The following GBE1 variants were observed in gnomAD, a reference collection of about 807,000 sequenced individuals.
GBE1 encodes the protein 1,4-alpha-glucan branching enzyme 1.
A neutral mutation model predicts 88.8 loss-of-function variants in GBE1; 70 were observed. The ratio of observed to expected loss-of-function variants is 0.79; its 90% CI spans 0.65 to 0.96. The LOEUF (loss-of-function observed/expected upper bound fraction) is 0.96, where lower values mean the gene tolerates loss of function less well. GBE1 is among the 40% of genes least tolerant of loss of function. The pLI, the probability that GBE1 is intolerant of heterozygous loss-of-function variation, is 0.00. For missense variants in GBE1, 872 were observed against 871.0 expected (o/e 1.00, Z -0.01); for synonymous variants, 284 against 300.1 (o/e 0.95, Z 0.56).
intron 12 of GBE1, among the ~76,000 whole-genome samples, chr3:81,550,516 G>C (rs1285847836): frequency 1.3e-5 from 2 of 152,064 alleles, no homozygotes; most frequent in Admixed American, 6.6e-5. Flanking sequence ...ATTTTGAATA[G>C]GGACTAGGTA....
intron 1 of GBE1, among the ~76,000 whole-genome samples, chr3:81,729,380 C>G (rs1706156835): frequency 6.6e-6 from 1 of 152,138 alleles, no homozygotes; most frequent in Non-Finnish European, 1.5e-5. Context: ...GCACAGTATG[C>G]CTGCATAAGC....
chr3:81,567,646 CTT>C (rs1348599746), intron 12 of GBE1, among the ~76,000 whole-genome samples: 1 of 152,218 alleles, frequency 6.6e-6, no homozygotes, highest in Non-Finnish European at 1.5e-5. Context: ...TGATTCCTCT[CTT>C]TGTCTTATGG....
intron 10 of GBE1, among the ~76,000 whole-genome samples, chr3:81,581,611 C>T (rs184152562): frequency 1.6e-4 from 24 of 152,058 alleles, no homozygotes; most frequent in African/African-American, 3.9e-4. Flanking sequence ...TGTTATTGCA[C>T]GGCATGTCTT....
At chr3:81,548,922 T>C (rs1391363988) in intron 12 of GBE1, among the ~76,000 whole-genome samples, 1 of 151,246 alleles carries the variant, frequency 6.6e-6, no homozygotes, top group Non-Finnish European at 1.5e-5. Flanking sequence ...TTAACCTACT[T>C]GCAGCTTTTG....
chr3:81,523,017 T>A (rs1702895025), intron 14 of GBE1, among the ~76,000 whole-genome samples: 1 of 151,440 alleles, frequency 6.6e-6, no homozygotes, highest in Non-Finnish European at 1.5e-5. Flanking sequence ...AGCAGATAAC[T>A]AAATTTCAGA....
At chr3:81,761,242 C>T in intron 1 of GBE1, 133 bp downstream of exon 1, 1 of 1,193,250 alleles carries the variant, frequency 8.4e-7, no homozygotes, top group South Asian at 1.5e-5. Flanking sequence ...TCACCCCGAG[C>T]CCCGCCCACT....
rs536478313 is a variant in GBE1 at position 81,490,212 on chromosome 3, T to C, written c.*195A>G. On this transcript the variant is annotated 3_prime_UTR_variant, in exon 16 of 16. Transcript: ENST00000429644. ...TGAAAATATGGTCTAGGATTCCTAA[T>C]ATTTTAAACATATTCTCCCATCTAC... 6 of 558,324 alleles carry C rather than the reference T, an allele frequency of 1.1e-5. No homozygotes were observed. Among genetic ancestry groups the C allele is most frequent in the African/African-American group, 9.7e-5 (5 of 51,620 alleles). 34.6% of individuals were successfully genotyped at this position (558,324 alleles called of 1,614,324 possible). A position where few individuals can be genotyped will look rare whatever the true frequency, so the allele number is the denominator to read the frequency against.
At chr3:81,515,884 C>A (rs1418753819) in intron 14 of GBE1, among the ~76,000 whole-genome samples, 3 of 151,600 alleles carry the variant, frequency 2.0e-5, no homozygotes, top group Non-Finnish European at 4.4e-5. Flanking sequence ...AAGGCCCTAG[C>A]TCTCTTCAAT....
chr3:81,546,218 T>TCACA (rs141041109), intron 12 of GBE1, among the ~76,000 whole-genome samples: 1 of 148,732 alleles, frequency 6.7e-6, no homozygotes, highest in Non-Finnish European at 1.5e-5. Flanking sequence ...ACACACAAAC[T>TCACA]CACACACACA....
intron 7 of GBE1, among the ~76,000 whole-genome samples, chr3:81,603,904 A>G (rs896505946): frequency 6.6e-6 from 1 of 152,218 alleles, no homozygotes; most frequent in Non-Finnish European, 1.5e-5. Context: ...ATACAGACAC[A>G]AAAGTTTATG....
chr3:81,602,318 C>G (rs752283585), intron 7 of GBE1, among the ~76,000 whole-genome samples: 8 of 152,132 alleles, frequency 5.3e-5, no homozygotes, highest in South Asian at 4.1e-4. Flanking sequence ...AAGATAGATT[C>G]AACATGGTCA....
At chr3:81,578,122 A>G in intron 11 of GBE1, 26 bp from the exon 12 acceptor site, 1 of 1,530,284 alleles carries the variant, frequency 6.5e-7, no homozygotes, top group Non-Finnish European at 8.8e-7. Context: ...TAATGGAGAT[A>G]AATGAAAAAA....
chr3:81,564,743 T>C (rs892869556), intron 12 of GBE1, among the ~76,000 whole-genome samples: 1 of 152,120 alleles, frequency 6.6e-6, no homozygotes, highest in Admixed American at 6.6e-5. Flanking sequence ...TTAAGTCACC[T>C]GGGAAAGAGG....
intron 3 of GBE1, among the ~76,000 whole-genome samples, chr3:81,667,209 T>A (rs1387009308): frequency 1.3e-5 from 2 of 152,176 alleles, no homozygotes; most frequent in Non-Finnish European, 2.9e-5. Context: ...TTGTAGCAAT[T>A]GTGAATGGGA....
chr3:81,684,246 A>G (rs1362826865), intron 2 of GBE1, among the ~76,000 whole-genome samples: 1 of 152,194 alleles, frequency 6.6e-6, no homozygotes, highest in Non-Finnish European at 1.5e-5. Context: ...ACCCTCTATG[A>G]CACGTATACA....
At chr3:81,507,601 G>A (rs1181572286) in intron 14 of GBE1, among the ~76,000 whole-genome samples, 2 of 151,650 alleles carry the variant, frequency 1.3e-5, no homozygotes, top group Non-Finnish European at 2.9e-5. Context: ...ACTTACTAGC[G>A]AATGTAATCA....
At chr3:81,659,078 G>A (rs1410682954) in intron 3 of GBE1, among the ~76,000 whole-genome samples, 4 of 152,110 alleles carry the variant, frequency 2.6e-5, no homozygotes, top group Non-Finnish European at 4.4e-5. Flanking sequence ...CTGAAAGAGT[G>A]TGCTTCAAAG....
chr3:81,554,066 T>G (rs2106899383), intron 12 of GBE1, among the ~76,000 whole-genome samples: 1 of 152,304 alleles, frequency 6.6e-6, no homozygotes, highest in African/African-American at 2.4e-5. Flanking sequence ...TAATACAAAT[T>G]TTCATAGCAA....
chr3:81,757,312 G>A (rs1048340428), intron 1 of GBE1, among the ~76,000 whole-genome samples: 9 of 152,208 alleles, frequency 5.9e-5, no homozygotes, highest in African/African-American at 1.9e-4. Context: ...TTATGGGAAG[G>A]AGGCTGTACA....
Sources: allele counts gnomAD v4.1 joint callset (sites outside exome capture counted in the v4.1 genomes callset), GRCh38; gene constraint gnomAD v4.1.1; transcripts MANE v1.5; gene names NCBI Gene and HGNC (gene_info 2026-07-23, HGNC 2026-07-21).